Variants in SMYD3 observed in about 807,000 individuals in gnomAD.
The protein encoded by SMYD3 is SET and MYND domain containing 3, also known as histone-lysine N-methyltransferase SMYD3.
SMYD3 carries 36 observed loss-of-function variants against 57.7 expected under a neutral mutation model. That is an observed-to-expected ratio of 0.62 (90% CI 0.48 to 0.82). The LOEUF is 0.82. Ranked by LOEUF, SMYD3 falls within the 40% of genes least tolerant of loss-of-function variation. The probability of loss-of-function intolerance (pLI) is 0.00; values close to 1 mark genes in which losing one functional copy is unlikely to be tolerated. For missense variants in SMYD3, 515 were observed against 538.8 expected (o/e 0.96, Z 0.44); for synonymous variants, 211 against 195.0 (o/e 1.08, Z -0.68).
chr1:246,062,479 C>G (rs1182158675), intron 5 of SMYD3, among the ~76,000 whole-genome samples: 1 of 152,110 alleles, frequency 6.6e-6, no homozygotes, highest in African/African-American at 2.4e-5. Context: ...AAAAATTGTC[C>G]TAGTGATGAT....
intron 5 of SMYD3, among the ~76,000 whole-genome samples, chr1:245,939,511 A>C (rs1319243099): frequency 6.6e-6 from 1 of 151,956 alleles, no homozygotes; most frequent in African/African-American, 2.4e-5. Flanking sequence ...TCTGTAGTCC[A>C]AGCTACTCGG....
chr1:245,755,953 A>G (rs917043194), intron 11 of SMYD3, among the ~76,000 whole-genome samples: 1 of 149,996 alleles, frequency 6.7e-6, no homozygotes, highest in African/African-American at 2.4e-5. Context: ...CTGCCATTTA[A>G]TTTTTTGTTT....
At chr1:246,242,345 T>C (rs889221664) in intron 5 of SMYD3, among the ~76,000 whole-genome samples, 11 of 152,210 alleles carry the variant, frequency 7.2e-5, no homozygotes, top group African/African-American at 2.4e-4. Context: ...CATTTCGTTA[T>C]GTACCCAGTA....
At chr1:246,156,660 C>G (rs1366276863) in intron 5 of SMYD3, among the ~76,000 whole-genome samples, 1 of 152,162 alleles carries the variant, frequency 6.6e-6, no homozygotes, top group African/African-American at 2.4e-5. Context: ...GTGGAGGAAA[C>G]TAAATTAACA....
intron 8 of SMYD3, among the ~76,000 whole-genome samples, chr1:245,908,262 T>C (rs2054718904): frequency 4.6e-4 from 1 of 2,158 alleles, no homozygotes; most frequent in Non-Finnish European, 2.9e-3. Context: ...ACACAAAAGG[T>C]CATTAAAAAT....
chr1:246,344,264 T>C (rs2065676836), intron 2 of SMYD3, among the ~76,000 whole-genome samples: 1 of 152,198 alleles, frequency 6.6e-6, no homozygotes, highest in Non-Finnish European at 1.5e-5. Context: ...AAAAGTTCCC[T>C]TGTGCCCCTT....
intron 5 of SMYD3, among the ~76,000 whole-genome samples, chr1:246,306,572 G>T (rs760282241): frequency 6.6e-6 from 1 of 152,048 alleles, no homozygotes; most frequent in East Asian, 1.9e-4. Context: ...TAATACTTAA[G>T]AGATCACACA....
intron 1 of SMYD3, among the ~76,000 whole-genome samples, chr1:246,420,323 A>T (rs141649742): frequency 5.7e-4 from 87 of 152,346 alleles, no homozygotes; most frequent in African/African-American, 2.0e-3. Context: ...AACTGACTCC[A>T]TCATGCAAGA....
chr1:246,285,762 T>C (rs7555880), intron 5 of SMYD3, among the ~76,000 whole-genome samples: 7,056 of 151,882 alleles, frequency 0.046, 548 homozygotes, highest in African/African-American at 0.16. Flanking sequence ...AGGACTAATA[T>C]CCAGAATCTA....
At chr1:245,962,396 TG>T (rs1214229056) in intron 5 of SMYD3, among the ~76,000 whole-genome samples, 2 of 152,210 alleles carry the variant, frequency 1.3e-5, no homozygotes. Flanking sequence ...TTGCGGATGT[TG>T]ATCCCAGAAT....
At chr1:246,414,829 T>C (rs1014550383) in intron 1 of SMYD3, among the ~76,000 whole-genome samples, 9 of 150,166 alleles carry the variant, frequency 6.0e-5, no homozygotes, top group African/African-American at 2.0e-4. Flanking sequence ...GTGATTCTCC[T>C]GCCTCAGCCT....
intron 8 of SMYD3, among the ~76,000 whole-genome samples, chr1:245,898,142 C>T (rs901307013): frequency 6.6e-6 from 1 of 152,142 alleles, no homozygotes; most frequent in African/African-American, 2.4e-5. Context: ...TATATTGCTT[C>T]TAGGCCTTTT....
At chr1:246,340,990 A>AG (rs1572398758) in intron 2 of SMYD3, among the ~76,000 whole-genome samples, 1 of 151,626 alleles carries the variant, frequency 6.6e-6, no homozygotes, top group African/African-American at 2.4e-5. Context: ...CCCAGGTCTC[A>AG]GGGGGAAAAA....
intron 5 of SMYD3, among the ~76,000 whole-genome samples, chr1:246,048,936 C>G (rs1455931605): frequency 6.6e-6 from 1 of 152,002 alleles, no homozygotes; most frequent in African/African-American, 2.4e-5. Context: ...GGTTTTTGTC[C>G]AAACAGGAGG....
At chr1:246,327,057 C>T (rs533801868) in intron 5 of SMYD3, 144 bp downstream of exon 5, 14 of 923,548 alleles carry the variant, frequency 1.5e-5, no homozygotes, top group Non-Finnish European at 2.2e-5. Flanking sequence ...CTCTCATGCT[C>T]TACTCACTAT....
intron 5 of SMYD3, among the ~76,000 whole-genome samples, chr1:246,144,864 T>C (rs1434540622): frequency 6.6e-6 from 1 of 152,228 alleles, no homozygotes; most frequent in African/African-American, 2.4e-5. Flanking sequence ...TACTCTGCAA[T>C]GTATATAACA....
intron 8 of SMYD3, among the ~76,000 whole-genome samples, chr1:245,876,275 A>T (rs1346203352): frequency 5.3e-5 from 8 of 152,228 alleles, no homozygotes. Flanking sequence ...GTGGGTATAT[A>T]CTTAGAATCA....
chr1:245,950,929 T>A (rs1243914448), intron 5 of SMYD3, among the ~76,000 whole-genome samples: 3 of 152,120 alleles, frequency 2.0e-5, no homozygotes, highest in African/African-American at 7.2e-5. Flanking sequence ...GTAGGGAAAC[T>A]GGGGATGGAT....
intron 10 of SMYD3, among the ~76,000 whole-genome samples, chr1:245,784,586 A>G (rs2046959550): frequency 6.6e-6 from 1 of 152,128 alleles, no homozygotes; most frequent in African/African-American, 2.4e-5. Flanking sequence ...AATGAACTCA[A>G]GCAGGGACTA....
Sources: gnomAD v4.1 joint callset for allele counts (sites outside exome capture counted in the v4.1 genomes callset) on GRCh38, gnomAD v4.1.1 for gene constraint, MANE v1.5 for transcripts, NCBI Gene and HGNC (gene_info 2026-07-23, HGNC 2026-07-21) for gene names.